Variants in ELAC2 observed in about 807,000 individuals in gnomAD.
The protein encoded by ELAC2 is zinc phosphodiesterase ELAC protein 2.
In ELAC2, 92 loss-of-function variants were observed where a neutral mutation model predicts 105.2. The ratio of observed to expected loss-of-function variants is 0.87; its 90% CI spans 0.74 to 1.04. The LOEUF is 1.04. Ranked by LOEUF, ELAC2 falls within the 50% of genes least tolerant of loss-of-function variation. The pLI, the probability that ELAC2 is intolerant of heterozygous loss-of-function variation, is 0.00. For synonymous variants in ELAC2, 468 were observed against 409.1 expected (o/e 1.14, Z -1.74); for missense variants, 1,099 against 1,071.7 (o/e 1.03, Z -0.36).
intron 7 of ELAC2, among the ~76,000 whole-genome samples, chr17:13,010,917 ATTT>A (rs560195478): frequency 6.6e-6 from 1 of 152,164 alleles, no homozygotes; most frequent in African/African-American, 2.4e-5. Context: ...GGCAAGTGAA[ATTT>A]TTTTTAAATG....
At chr17:13,014,290 CAAAAA>C (rs959230890) in intron 5 of ELAC2, 144 bp downstream of exon 5, 255 of 375,978 alleles carry the variant, frequency 6.8e-4, no homozygotes, top group East Asian at 1.7e-3. Context: ...AGACTCTATC[CAAAAA>C]AAAAAAAAAA....
chr17:12,992,450 G>A lies in ELAC2; in HGVS notation c.*368C>T, dbSNP rs1044592. The A allele has an allele frequency of 1.3e-3, 561 of 418,686 alleles. 3 individuals are homozygous for A. Among genetic ancestry groups the A allele is most frequent in the South Asian group, 0.01 (375 of 36,596 alleles). 25.9% of individuals were successfully genotyped at this position (418,686 alleles called of 1,614,324 possible). A position where few individuals can be genotyped will look rare whatever the true frequency, so the allele number is the denominator to read the frequency against. Reference sequence around the variant, plus strand: ...ATTTTCGTTAAGTCTCGGACACTTAGACCCACTGATCCTGTTACTCTGCTT... The same window carrying A: ...ATTTTCGTTAAGTCTCGGACACTTAAACCCACTGATCCTGTTACTCTGCTT... On this transcript the variant is annotated 3_prime_UTR_variant, in exon 24 of 24. Coordinates refer to ENST00000338034, the MANE Select transcript of ELAC2 (RefSeq NM_018127.7).
At chr17:13,017,187 A>G in intron 1 of ELAC2, 66 bp from the exon 2 acceptor site, 1 of 1,380,740 alleles carries the variant, frequency 7.2e-7, no homozygotes, top group Non-Finnish European at 1.0e-6. Flanking sequence ...GACACCAATT[A>G]GATGTTTTAT....
At chr17:13,017,380 G>C (rs1598279276) in intron 1 of ELAC2, 1 of 626,044 alleles carries the variant, frequency 1.6e-6, no homozygotes, top group East Asian at 2.8e-5. Flanking sequence ...CACCAGATCT[G>C]TCCACCCCAC....
Position 13,000,250 on chromosome 17 carries a change from A to C in ELAC2, c.1329T>G (p.Pro443=), listed in dbSNP as rs1178793937. ...WQRDAIITCN[P]EEFIVEALQL... is the part of the protein sequence containing the mutation. ...GCAGCGCCTCAACTATGAATTCCTCAGGATTGCAAGTAATAATGGCATCCC... is the reference window on the plus strand; with the variant it reads ...GCAGCGCCTCAACTATGAATTCCTCCGGATTGCAAGTAATAATGGCATCCC... The change falls in exon 15 of 24, where the codon CCT becomes CCG. Residue 443 remains proline (P), a synonymous_variant. Transcript: ENST00000338034. 1.2e-6 allele frequency: 2 copies of C among 1,614,108 alleles called. No homozygotes were observed. Among genetic ancestry groups the C allele is most frequent in the Middle Eastern group, 1.7e-4 (1 of 6,042 alleles).
chr17:13,014,823 GAGA>G (rs2041631303), intron 4 of ELAC2, among the ~76,000 whole-genome samples: 2 of 152,194 alleles, frequency 1.3e-5, no homozygotes, highest in Admixed American at 6.5e-5. Context: ...AACTTGTCTA[GAGA>G]AGAAGAGGCA....
chr17:13,012,073 C>T (rs2041446252), intron 6 of ELAC2, among the ~76,000 whole-genome samples: 1 of 152,100 alleles, frequency 6.6e-6, no homozygotes, highest in African/African-American at 2.4e-5. Flanking sequence ...TATCATCACT[C>T]CCGCTAAAAC....
At chr17:12,998,621 T>C (rs1029679125) in intron 15 of ELAC2, 113 bp from the exon 16 acceptor site, 15 of 993,982 alleles carry the variant, frequency 1.5e-5, no homozygotes, top group Middle Eastern at 2.5e-4. Context: ...CCAGACCTCA[T>C]GTGGAAACGT....
chr17:13,012,402 G>A (rs2143664952), intron 6 of ELAC2, among the ~76,000 whole-genome samples: 1 of 152,314 alleles, frequency 6.6e-6, no homozygotes, highest in East Asian at 1.9e-4. Context: ...CAGGGGTCAG[G>A]TGAGAGAAGG....
intron 8 of ELAC2, chr17:13,006,375 A>T (rs535308628): frequency 1.1e-4 from 26 of 233,024 alleles, no homozygotes; most frequent in African/African-American, 3.6e-4. Flanking sequence ...GTCTCAAAAA[A>T]AAAAATAAAA....
intron 7 of ELAC2, 41 bp from the exon 8 acceptor site, chr17:13,010,712 A>G (rs2041370074): frequency 3.8e-6 from 6 of 1,573,964 alleles, no homozygotes; most frequent in Non-Finnish European, 5.2e-6. Context: ...GTAAATGTGA[A>G]AGCTGTGAAG....
At chr17:13,010,086 T>C (rs2041333956) in intron 8 of ELAC2, among the ~76,000 whole-genome samples, 1 of 151,612 alleles carries the variant, frequency 6.6e-6, no homozygotes, top group South Asian at 2.1e-4. Context: ...AAACAGAGCA[T>C]CTAAACTCTG....
chr17:13,013,349 C>T (rs2041532746), intron 5 of ELAC2, 74 bp from the exon 6 acceptor site: 3 of 1,449,522 alleles, frequency 2.1e-6, no homozygotes, highest in Non-Finnish European at 2.9e-6. Flanking sequence ...TCAGGATCAC[C>T]AACCACGAGC....
In ELAC2 at chr17:12,992,547, T is replaced by C; in HGVS notation, c.*271A>G. The stretch of plus-strand genomic sequence containing the variant: ...CCGCCGTCTGTTTCCAAGACTTCTT[T>C]AAAAACTGCCTTGAAATGAAATTAG... On this transcript the variant is annotated 3_prime_UTR_variant, in exon 24 of 24. Coordinates refer to ENST00000338034, the MANE Select transcript of ELAC2 (RefSeq NM_018127.7). 4 of 529,012 alleles carry C rather than the reference T, an allele frequency of 7.6e-6. No individual in the cohort carries two copies. The highest frequency in any genetic ancestry group is 1.4e-5 in the Non-Finnish European group (4 of 293,048). 32.8% of individuals were successfully genotyped at this position (529,012 alleles called of 1,614,324 possible).
In ELAC2 at chr17:12,992,217, G is replaced by C. The variant is rs9900699; in HGVS notation, c.*601C>G. Among the ~76,000 whole-genome samples, 1,601 of 152,180 alleles carry C rather than the reference G, an allele frequency of 0.011. 35 individuals are homozygous for C. The highest frequency in any genetic ancestry group is 0.036 in the African/African-American group (1,510 of 41,506). ...TTGTCAAAAAGACTTGGCGAATAAG[G>C]GTGGCTCTCTGAGGACAGGTTCCAG... On this transcript the variant is annotated 3_prime_UTR_variant, in exon 24 of 24. Transcript: ENST00000338034.
Position 13,010,650 on chromosome 17 carries a change from A to T in ELAC2, c.701T>A (p.Val234Asp). ...AGCTACGACCAGGGAAGAGTCCCTG[A>T]CCCCTCTTCTCTGGCTAACACCTGA... Reference protein sequence around the residue: ...LPHGVSQRRGVRDSSLVVAFI... With the variant: ...LPHGVSQRRGDRDSSLVVAFI... The change falls in exon 8 of 24, where the codon GTC (valine) becomes GAC (aspartate). Residue 234 changes from valine (V) to aspartate (D), a missense_variant. Coordinates refer to ENST00000338034, the MANE Select transcript of ELAC2 (RefSeq NM_018127.7). The T allele has an allele frequency of 6.2e-7, 1 of 1,614,054 alleles. No individual in the cohort carries two copies. The highest frequency in any genetic ancestry group is 1.1e-5 in the South Asian group (1 of 91,080).
chr17:12,997,926 G>A (rs1290271966), intron 16 of ELAC2, among the ~76,000 whole-genome samples: 3 of 152,228 alleles, frequency 2.0e-5, no homozygotes, highest in African/African-American at 7.2e-5. Flanking sequence ...ACACAAATGT[G>A]CAAAACCCTA....
rs748547599 is a variant in ELAC2, at chr17:13,002,564, G to A, written c.1095C>T (p.Thr365=). ...AGTTCTCATTCAGGACCAAGTGCTGGGTGTCAGGCCCAAACCTGTGAAGAA... is the reference window on the plus strand; with the variant it reads ...AGTTCTCATTCAGGACCAAGTGCTGAGTGTCAGGCCCAAACCTGTGAAGAA... The part of the protein sequence containing the change: ...QQWMERFGPD[T]QHLVLNENCA... The change falls in exon 13 of 24, where the codon ACC becomes ACT. Residue 365 remains threonine, a synonymous_variant. Transcript: ENST00000338034. 1.2e-6 allele frequency: 2 copies of A among 1,602,830 alleles called. No homozygotes were observed. Among genetic ancestry groups the A allele is most frequent in the South Asian group, 2.2e-5 (2 of 89,324 alleles).
intron 15 of ELAC2, 98 bp downstream of exon 15, chr17:13,000,058 G>T: frequency 9.0e-7 from 1 of 1,114,830 alleles, no homozygotes; most frequent in Non-Finnish European, 1.4e-6. Context: ...GAAAAGCCAG[G>T]TTAGAATGCG....
Sources: gnomAD v4.1 joint callset for allele counts (sites outside exome capture counted in the v4.1 genomes callset) on GRCh38, gnomAD v4.1.1 for gene constraint, MANE v1.5 for transcripts, NCBI Gene and HGNC (gene_info 2026-07-23, HGNC 2026-07-21) for gene names.